The following TMCO4 variants were observed in gnomAD, a reference collection of about 807,000 sequenced individuals.
TMCO4 encodes transmembrane and coiled-coil domains 4, also known as transmembrane and coiled-coil domain-containing protein 4.
A neutral mutation model predicts 64.7 loss-of-function variants in TMCO4; 58 were observed. The observed-to-expected ratio is 0.90, with a 90% CI of 0.73 to 1.12. The LOEUF is 1.12. Among genes scored for constraint, TMCO4 ranks in the 50% most tolerant of loss-of-function variants. The pLI is 0.00. For synonymous variants in TMCO4, 325 were observed against 346.1 expected (o/e 0.94, Z 0.68); for missense variants, 780 against 825.9 (o/e 0.94, Z 0.68).
chr1:19,785,635 C>G (rs1328838998), intron 3 of TMCO4, among the ~76,000 whole-genome samples: 1 of 152,142 alleles, frequency 6.6e-6, no homozygotes, highest in Admixed American at 6.6e-5. Context: ...CAATAATATG[C>G]CAATACATAA....
At chr1:19,759,101 CAAAAAAAAAA>C (rs1163885215) in intron 6 of TMCO4, among the ~76,000 whole-genome samples, 8 of 21,178 alleles carry the variant, frequency 3.8e-4, no homozygotes, top group Non-Finnish European at 8.7e-4. Context: ...GACTCGGTCT[CAAAAAAAAAA>C]AAAAAAAAAA....
intron 13 of TMCO4, among the ~76,000 whole-genome samples, chr1:19,718,724 G>A (rs2095368497): frequency 6.6e-6 from 1 of 150,764 alleles, no homozygotes; most frequent in South Asian, 2.1e-4. Flanking sequence ...ACCTTCCAAG[G>A]TGACTGGGAA....
chr1:19,724,614 C>A (rs1484628351), intron 13 of TMCO4, among the ~76,000 whole-genome samples: 1 of 152,106 alleles, frequency 6.6e-6, no homozygotes, highest in Non-Finnish European at 1.5e-5. Context: ...TAGAATAACC[C>A]CCAGAGGGAT....
At chr1:19,717,581 A>C (rs1315452932) in intron 13 of TMCO4, among the ~76,000 whole-genome samples, 4 of 152,192 alleles carry the variant, frequency 2.6e-5, no homozygotes, top group African/African-American at 2.4e-5. Flanking sequence ...TCCTGGCAGA[A>C]ACCTTGGCTG....
Position 19,747,265 on chromosome 1 carries a change from G to A in TMCO4, c.516-5C>T. On this transcript the variant is annotated splice_polypyrimidine_tract_variant and splice_region_variant and intron_variant, in intron 7 of 15. Coordinates refer to ENST00000294543, the MANE Select transcript of TMCO4 (RefSeq NM_181719.7). ...TTTCGGGATGCCTCGGCCATTCTGA[G>A]GGAAAAGAGGCTGGTCTTTAGGGCC... The A allele has an allele frequency of 6.2e-7, 1 of 1,612,450 alleles. No homozygotes were observed. The highest frequency in any genetic ancestry group is 8.5e-7 in the Non-Finnish European group (1 of 1,179,544).
intron 13 of TMCO4, among the ~76,000 whole-genome samples, chr1:19,730,686 A>G (rs998119251): frequency 2.0e-5 from 3 of 152,320 alleles, no homozygotes; most frequent in Non-Finnish European, 2.9e-5. Context: ...TGTTTGCAGA[A>G]TCACCCCAAA....
chr1:19,692,118 T>C (rs1460917273), intron 15 of TMCO4, among the ~76,000 whole-genome samples: 1 of 152,176 alleles, frequency 6.6e-6, no homozygotes, highest in Non-Finnish European at 1.5e-5. Context: ...GGGTTACATG[T>C]GGGAAGCACT....
chr1:19,740,702 C>A, intron 11 of TMCO4, 75 bp downstream of exon 11: 1 of 1,516,440 alleles, frequency 6.6e-7, no homozygotes, highest in Admixed American at 2.0e-5. Flanking sequence ...TTTGGGCATG[C>A]AAAACTATGG....
At chr1:19,768,218 C>G (rs185119710) in intron 6 of TMCO4, among the ~76,000 whole-genome samples, 166 of 152,288 alleles carry the variant, frequency 1.1e-3, no homozygotes, top group African/African-American at 3.7e-3. Context: ...CCAGCACAAG[C>G]CCTTAGCGCC....
At chr1:19,796,404 A>T (rs12401588) in intron 2 of TMCO4, among the ~76,000 whole-genome samples, 6,132 of 152,142 alleles carry the variant, frequency 0.04, 256 homozygotes, top group African/African-American at 0.11. Context: ...CTCCTTGGAC[A>T]TAATGGCCGG....
At chr1:19,746,880 T>C (rs1051209784) in intron 8 of TMCO4, among the ~76,000 whole-genome samples, 10 of 138,888 alleles carry the variant, frequency 7.2e-5, no homozygotes, top group Non-Finnish European at 6.0e-5. Flanking sequence ...GCCGAGATCA[T>C]GCCACTGCAC....
chr1:19,703,195 A>G (rs1016255941), intron 13 of TMCO4, among the ~76,000 whole-genome samples: 3 of 152,240 alleles, frequency 2.0e-5, no homozygotes, highest in Admixed American at 6.5e-5. Flanking sequence ...AGGCTTTGAC[A>G]TCAGGTTCAA....
rs1421375456 is a variant in TMCO4 at position 19,732,715 on chromosome 1, A to G, written c.1264+4657T>C. On this transcript the variant is annotated intron_variant, in intron 13 of 15. Transcript: ENST00000294543. The surrounding 1 kb of genome is among the most constrained non-coding windows in gnomAD (Gnocchi z 4.8). ...AGACCAGCCTCGGCAACACAGGGAGACCCTGTCTTTAAAAAAATGAAGAAT... is the reference window on the plus strand; with the variant it reads ...AGACCAGCCTCGGCAACACAGGGAGGCCCTGTCTTTAAAAAAATGAAGAAT... 6.6e-6 allele frequency among the ~76,000 whole-genome samples: 1 copy of G among 151,304 alleles called. No homozygotes were observed. Among genetic ancestry groups the G allele is most frequent in the East Asian group, 2.0e-4 (1 of 5,028 alleles).
At chr1:19,765,333 A>T (rs1305893607) in intron 6 of TMCO4, among the ~76,000 whole-genome samples, 1 of 152,220 alleles carries the variant, frequency 6.6e-6, no homozygotes, top group Non-Finnish European at 1.5e-5. Context: ...GAATCTATGT[A>T]AGCGGCCTAG....
intron 4 of TMCO4, among the ~76,000 whole-genome samples, chr1:19,778,991 G>A (rs1244987020): frequency 1.3e-5 from 2 of 152,150 alleles, no homozygotes; most frequent in Admixed American, 6.5e-5. Context: ...GATAAGGGAA[G>A]GCTTCCTGGC....
At chr1:19,744,264 C>T (rs1459594864) in intron 10 of TMCO4, among the ~76,000 whole-genome samples, 1 of 152,112 alleles carries the variant, frequency 6.6e-6, no homozygotes, top group Non-Finnish European at 1.5e-5. Flanking sequence ...ACAAGTGGAC[C>T]ATGGTGTGAG....
At chr1:19,702,443 T>C (rs1412855089) in intron 13 of TMCO4, among the ~76,000 whole-genome samples, 2 of 152,112 alleles carry the variant, frequency 1.3e-5, no homozygotes, top group African/African-American at 4.8e-5. Context: ...AATACAAAAA[T>C]TAGCTGGGTG....
chr1:19,750,390 A>T (rs944368202), intron 7 of TMCO4: 1 of 152,190 alleles, frequency 6.6e-6, no homozygotes, highest in African/African-American at 2.4e-5. Context: ...TTTGGGGAAG[A>T]GGTGTTTGAG....
chr1:19,722,829 T>A (rs891641731), intron 13 of TMCO4, among the ~76,000 whole-genome samples: 2 of 151,986 alleles, frequency 1.3e-5, no homozygotes, highest in African/African-American at 4.8e-5. Context: ...GGCTGGGGGG[T>A]GCATCCAGTG....
Sources: allele counts gnomAD v4.1 joint callset (sites outside exome capture counted in the v4.1 genomes callset), GRCh38; gene constraint gnomAD v4.1.1; non-coding constraint Gnocchi (gnomAD v3.1); transcripts MANE v1.5; gene names NCBI Gene and HGNC (gene_info 2026-07-23, HGNC 2026-07-21).